The following IGF1R variants were observed in gnomAD, a reference collection of about 807,000 sequenced individuals.
The protein encoded by IGF1R is insulin like growth factor 1 receptor, also known as insulin-like growth factor 1 receptor.
Under a neutral mutation model 144.6 loss-of-function variants are expected in IGF1R, and 44 were observed. The observed-to-expected ratio is 0.30, with a 90% CI of 0.24 to 0.39. IGF1R has a LOEUF of 0.39. IGF1R is among the 10% of genes least tolerant of loss of function. The probability of loss-of-function intolerance (pLI) is 1.00; values close to 1 mark genes in which losing one functional copy is unlikely to be tolerated. For missense variants in IGF1R, 1,355 were observed against 1,833.7 expected, an observed-to-expected ratio of 0.74 and a Z score of 4.77; for synonymous variants, 795 against 722.8, an observed-to-expected ratio of 1.10 and a Z score of -1.60.
intron 2 of IGF1R, among the ~76,000 whole-genome samples, chr15:98,745,888 C>T (rs1186490803): frequency 2.0e-5 from 3 of 152,218 alleles, no homozygotes; most frequent in Non-Finnish European, 4.4e-5. Flanking sequence ...AGAAATTCTA[C>T]TTCTAGGAAT....
chr15:98,943,726 T>A (rs924348873), intron 19 of IGF1R, among the ~76,000 whole-genome samples: 2 of 152,252 alleles, frequency 1.3e-5, no homozygotes, highest in African/African-American at 4.8e-5. Flanking sequence ...ATTGGCAGGC[T>A]GAGGCCCTGG....
intron 1 of IGF1R, among the ~76,000 whole-genome samples, chr15:98,649,954 G>C (rs1464047432): frequency 6.6e-6 from 1 of 152,212 alleles, no homozygotes; most frequent in Non-Finnish European, 1.5e-5. Context: ...GTGTTTCCCG[G>C]CTAGGCGCGA....
intron 1 of IGF1R, among the ~76,000 whole-genome samples, chr15:98,666,996 AG>A (rs1362005592): frequency 1.3e-5 from 2 of 152,206 alleles, no homozygotes; most frequent in Admixed American, 1.3e-4. Flanking sequence ...CAAGGAGACC[AG>A]TCCTTGTCCA....
chr15:98,822,767 G>T (rs2056825453), intron 2 of IGF1R, among the ~76,000 whole-genome samples: 1 of 152,180 alleles, frequency 6.6e-6, no homozygotes, highest in African/African-American at 2.4e-5. Context: ...GAATCAGAAA[G>T]CAGTTGCTCC....
intron 2 of IGF1R, among the ~76,000 whole-genome samples, chr15:98,729,584 A>C (rs1459105421): frequency 6.7e-6 from 1 of 148,692 alleles, no homozygotes; most frequent in South Asian, 2.1e-4. Flanking sequence ...TTTTAAGTGA[A>C]CCTTTCCACA....
chr15:98,794,211 C>A (rs956405701), intron 2 of IGF1R, among the ~76,000 whole-genome samples: 1 of 152,216 alleles, frequency 6.6e-6, no homozygotes, highest in African/African-American at 2.4e-5. Context: ...GTCTAGACTT[C>A]CGCAGTTTTG....
chr15:98,826,005 T>G (rs1298404723), intron 2 of IGF1R, among the ~76,000 whole-genome samples: 1 of 152,188 alleles, frequency 6.6e-6, no homozygotes, highest in Non-Finnish European at 1.5e-5. Context: ...AATGATGATC[T>G]CCACCTCTCA....
intron 20 of IGF1R, chr15:98,954,494 G>C (rs1463959665): frequency 6.6e-6 from 1 of 152,188 alleles, no homozygotes; most frequent in East Asian, 1.9e-4. Context: ...TGTGGAAATA[G>C]TAAACAAGGT....
intron 2 of IGF1R, among the ~76,000 whole-genome samples, chr15:98,830,950 G>A (rs185162762): frequency 6.6e-6 from 1 of 152,218 alleles, no homozygotes; most frequent in Admixed American, 6.5e-5. Context: ...TTTATTCATG[G>A]CAGAAGGTGA....
intron 17 of IGF1R, among the ~76,000 whole-genome samples, chr15:98,937,057 T>C (rs962284006): frequency 6.0e-4 from 92 of 152,300 alleles, no homozygotes; most frequent in African/African-American, 2.1e-3. Flanking sequence ...ACCTAATTTT[T>C]GTATTTTTAG....
intron 2 of IGF1R, among the ~76,000 whole-genome samples, chr15:98,769,280 G>T (rs543729362): frequency 9.9e-5 from 15 of 152,264 alleles, no homozygotes; most frequent in Non-Finnish European, 4.4e-5. Context: ...ATTGTGTTTT[G>T]TTGCTTAAGT....
intron 1 of IGF1R, among the ~76,000 whole-genome samples, chr15:98,655,329 A>G (rs1403204195): frequency 6.6e-6 from 1 of 152,188 alleles, no homozygotes; most frequent in Non-Finnish European, 1.5e-5. Context: ...GGACTTTTGA[A>G]GACTAAGTTT....
chr15:98,703,977 AGT>A (rs1230515292), intron 1 of IGF1R, among the ~76,000 whole-genome samples: 1 of 152,194 alleles, frequency 6.6e-6, no homozygotes, highest in Non-Finnish European at 1.5e-5. Flanking sequence ...TGACACCACA[AGT>A]GGAAAATTCC....
intron 2 of IGF1R, among the ~76,000 whole-genome samples, chr15:98,859,768 T>C (rs1327339962): frequency 2.0e-5 from 3 of 152,236 alleles, no homozygotes; most frequent in African/African-American, 4.8e-5. Context: ...AGCCTAAATA[T>C]AAGAAGGTGT....
At chr15:98,770,631 A>G (rs1321852006) in intron 2 of IGF1R, among the ~76,000 whole-genome samples, 1 of 152,226 alleles carries the variant, frequency 6.6e-6, no homozygotes, top group Non-Finnish European at 1.5e-5. Context: ...AGGTGTAGGC[A>G]TAGATTTTTA....
intron 1 of IGF1R, among the ~76,000 whole-genome samples, chr15:98,687,654 C>T (rs900101727): frequency 2.6e-5 from 4 of 152,080 alleles, no homozygotes; most frequent in Admixed American, 2.6e-4. Flanking sequence ...AGGGTCCAGC[C>T]CCCAGCGAGA....
At chr15:98,658,977 C>T (rs1596148829) in intron 1 of IGF1R, among the ~76,000 whole-genome samples, 1 of 152,320 alleles carries the variant, frequency 6.6e-6, no homozygotes, top group East Asian at 1.9e-4. Context: ...CAAATTCGTA[C>T]ACATGTCAAG....
intron 5 of IGF1R, chr15:98,900,637 T>C (rs1286968534): frequency 6.6e-6 from 1 of 152,156 alleles, no homozygotes; most frequent in Non-Finnish European, 1.5e-5. Context: ...CACAGTGTCC[T>C]CCCCACTGGG....
chr15:98,788,847 CA>C (rs1163828607), intron 2 of IGF1R, among the ~76,000 whole-genome samples: 2 of 152,186 alleles, frequency 1.3e-5, no homozygotes, highest in Admixed American at 1.3e-4. Context: ...TCATGGTTTT[CA>C]GCAAAACTGT....
Sources: gnomAD v4.1 joint callset for allele counts (sites outside exome capture counted in the v4.1 genomes callset) on GRCh38, gnomAD v4.1.1 for gene constraint, MANE v1.5 for transcripts, NCBI Gene and HGNC (gene_info 2026-07-23, HGNC 2026-07-21) for gene names.